The following DYNC2H1 variants were observed in gnomAD, a reference collection of about 807,000 sequenced individuals.
DYNC2H1 encodes cytoplasmic dynein 2 heavy chain 1.
Under a neutral mutation model 570.0 loss-of-function variants are expected in DYNC2H1, and 410 were observed. The ratio of observed to expected loss-of-function variants is 0.72; its 90% CI spans 0.66 to 0.78. The LOEUF (loss-of-function observed/expected upper bound fraction) is 0.78. DYNC2H1 is among the 30% of genes least tolerant of loss of function. The pLI is 0.00. For synonymous variants in DYNC2H1, 1,688 were observed against 1,677.6 expected, an observed-to-expected ratio of 1.01 and a Z score of -0.15; for missense variants, 4,865 against 5,046.4, an observed-to-expected ratio of 0.96 and a Z score of 1.09.
In DYNC2H1 at chr11:103,205,884, C is replaced by T. The variant is rs1213982016; in HGVS notation, c.8454+920C>T. Among the ~76,000 whole-genome samples the T allele has an allele frequency of 6.6e-6, 1 of 152,098 alleles. No individual in the cohort carries two copies. The highest frequency in any genetic ancestry group is 6.6e-5 in the Admixed American group (1 of 15,250). The stretch of plus-strand genomic sequence containing the variant: ...TGATGTCAGAGAACTAAGAGGAAAC[C>T]AGTTAGGATGGGGCTTTGTAAGCTA... On this transcript the variant is annotated intron_variant, in intron 52 of 88. Coordinates refer to ENST00000375735, the MANE Select transcript of DYNC2H1 (RefSeq NM_001377.3). The surrounding 1 kb of genome is among the most constrained non-coding windows in gnomAD (Gnocchi z 4.5).
intron 54 of DYNC2H1, among the ~76,000 whole-genome samples, chr11:103,214,130 A>G (rs115007033): frequency 0.015 from 2,315 of 152,238 alleles, 63 homozygotes; most frequent in African/African-American, 0.051. Context: ...AGTGGACTAT[A>G]AATACATGAA....
rs554178347 is a variant in DYNC2H1, at chr11:103,245,365, G to A, written c.10033G>A (p.Val3345Ile). Reference sequence around the variant, plus strand: ...TTATCCATTATTGAGACGAGATCTGGTTGCTCAAGGTAAATAATTGACACT... The same window carrying A: ...TTATCCATTATTGAGACGAGATCTGATTGCTCAAGGTAAATAATTGACACT... ...VLYPLLRRDL[V>I]AQGPRYVVQI... The change falls in exon 65 of 89, where the codon GTT (valine) becomes ATT (isoleucine). Residue 3345 changes from valine to isoleucine, a missense_variant. By Grantham distance (29) the Val-to-Ile change is conservative. Around this residue, in one of 5 missense-constraint regions of DYNC2H1, gnomAD observed 2,401 missense variants for 2,454.6 expected, o/e 0.98. Transcript: ENST00000375735. This position sits in a 1 kb window ranked among gnomAD's most constrained non-coding sequence, Gnocchi z 4.5. 3.2e-6 allele frequency: 5 copies of A among 1,583,074 alleles called. No individual in the cohort carries two copies. Among genetic ancestry groups the A allele is most frequent in the Middle Eastern group, 1.7e-4 (1 of 6,018 alleles).
chr11:103,266,868 GC>G (rs1468242453), intron 70 of DYNC2H1, among the ~76,000 whole-genome samples: 1 of 152,226 alleles, frequency 6.6e-6, no homozygotes, highest in African/African-American at 2.4e-5. Flanking sequence ...GGTTAAAACA[GC>G]CAGTCTAATG....
Position 103,465,445 on chromosome 11 carries a change from A to C in DYNC2H1, c.12649-3144A>C, listed in dbSNP as rs889813296. On this transcript the variant is annotated intron_variant, in intron 87 of 88. Coordinates refer to ENST00000375735, the MANE Select transcript of DYNC2H1 (RefSeq NM_001377.3). The surrounding 1 kb of genome is among the most constrained non-coding windows in gnomAD (Gnocchi z 4.9). ...TAATGCAATTTCAACCAGTATCCCA[A>C]AGTGTGTTTTGTTTTTTTTTTTAAT... Among the ~76,000 whole-genome samples, 31 of 149,596 alleles carry C rather than the reference A, an allele frequency of 2.1e-4. No homozygotes were observed. Among genetic ancestry groups the C allele is most frequent in the African/African-American group, 7.4e-4 (30 of 40,788 alleles).
intron 83 of DYNC2H1, among the ~76,000 whole-genome samples, chr11:103,382,537 A>G (rs978265133): frequency 1.3e-5 from 2 of 152,220 alleles, no homozygotes; most frequent in East Asian, 1.9e-4. Context: ...TTTATTTCCT[A>G]TTAATCAAGG....
chr11:103,436,123 A>G, intron 85 of DYNC2H1, 91 bp downstream of exon 85: 1 of 1,070,418 alleles, frequency 9.3e-7, no homozygotes, highest in Non-Finnish European at 1.3e-6. Flanking sequence ...AGTGAGAATT[A>G]CACTATGATT....
At chr11:103,387,818 T>C (rs1941954182) in intron 83 of DYNC2H1, among the ~76,000 whole-genome samples, 2 of 152,212 alleles carry the variant, frequency 1.3e-5, no homozygotes, top group Admixed American at 1.3e-4. Context: ...GTTGTAGATA[T>C]GTGGCATTAT....
rs945146948 is a variant in DYNC2H1, at chr11:103,319,782, A to G, written c.11726-1247A>G. Among the ~76,000 whole-genome samples the G allele has an allele frequency of 3.3e-5, 5 of 152,194 alleles. No homozygotes were observed. Among genetic ancestry groups the G allele is most frequent in the African/African-American group, 9.6e-5 (4 of 41,460 alleles). On this transcript the variant is annotated intron_variant, in intron 80 of 88. Transcript: ENST00000375735. The surrounding 1 kb of genome is among the most constrained non-coding windows in gnomAD (Gnocchi z 4.3). Reference sequence around the variant, plus strand: ...GTCTGTATTCCTTAATGACTTATCAATGACTGGCTAACTTATCAGTGACTG... The same window carrying G: ...GTCTGTATTCCTTAATGACTTATCAGTGACTGGCTAACTTATCAGTGACTG...
chr11:103,352,838 T>C (rs1163083792), intron 82 of DYNC2H1, among the ~76,000 whole-genome samples: 1 of 152,146 alleles, frequency 6.6e-6, no homozygotes, highest in Non-Finnish European at 1.5e-5. Flanking sequence ...ATTATAAAGA[T>C]ACATGCATGC....
At chr11:103,358,103 A>G in intron 82 of DYNC2H1, 140 bp from the exon 83 acceptor site, 1 of 514,524 alleles carries the variant, frequency 1.9e-6, no homozygotes, top group South Asian at 3.7e-5. Context: ...TTGAAGAGAG[A>G]TAATAAGATT....
intron 75 of DYNC2H1, among the ~76,000 whole-genome samples, chr11:103,301,128 C>A (rs555548684): frequency 3.3e-4 from 50 of 151,934 alleles, no homozygotes; most frequent in African/African-American, 1.2e-3. Flanking sequence ...ATTGCCAAAT[C>A]TCTTGAATGG....
In DYNC2H1 at chr11:103,155,410, G is replaced by T; in HGVS notation, c.3653G>T (p.Gly1218Val). The change falls in exon 25 of 89, where the codon GGA becomes GTA. Residue 1218 changes from glycine (G) to valine (V), a missense_variant. This residue lies in a region of DYNC2H1 where 1,936 missense variants were observed against 1,962.1 expected (regional missense o/e 0.99). Transcript: ENST00000375735. ...TGGCTTGACCTTTTTCGTCTCCTTG[G>T]ACTTCCTAGGGGGACTAGTCTAGAG... is the stretch of plus-strand genomic sequence containing the variant. ...DHWLDLFRLLGLPRGTSLEKL... is the reference protein window; with the variant it reads ...DHWLDLFRLLVLPRGTSLEKL... 3 of 1,611,680 alleles carry T rather than the reference G, an allele frequency of 1.9e-6. No homozygotes were observed. The highest frequency in any genetic ancestry group is 1.7e-6 in the Non-Finnish European group (2 of 1,178,836).
intron 65 of DYNC2H1, among the ~76,000 whole-genome samples, chr11:103,250,305 A>T (rs947222856): frequency 6.6e-5 from 10 of 151,706 alleles, no homozygotes; most frequent in Non-Finnish European, 1.2e-4. Flanking sequence ...CTTGATAGGG[A>T]TTTATCAATA....
intron 63 of DYNC2H1, among the ~76,000 whole-genome samples, chr11:103,242,852 C>G (rs1284115991): frequency 1.3e-5 from 2 of 151,988 alleles, no homozygotes; most frequent in Admixed American, 6.6e-5. Flanking sequence ...TCCCAAGTAG[C>G]TGGGACTACA....
chr11:103,402,346 T>C (rs1942677984), intron 84 of DYNC2H1: 1 of 152,188 alleles, frequency 6.6e-6, no homozygotes, highest in South Asian at 2.1e-4. Flanking sequence ...GATTATTCCA[T>C]ATTGGAGGCC....
chr11:103,367,845 C>T (rs1176860531), intron 83 of DYNC2H1, among the ~76,000 whole-genome samples: 3 of 152,148 alleles, frequency 2.0e-5, no homozygotes, highest in Non-Finnish European at 4.4e-5. Flanking sequence ...TAAGATTCCA[C>T]ATGAGTAAGA....
intron 85 of DYNC2H1, among the ~76,000 whole-genome samples, chr11:103,448,221 A>G (rs1171798628): frequency 6.6e-6 from 1 of 152,116 alleles, no homozygotes; most frequent in Non-Finnish European, 1.5e-5. Flanking sequence ...AGCTTACTAC[A>G]TTATCTACAG....
chr11:103,286,204 G>A, intron 73 of DYNC2H1, 51 bp from the exon 74 acceptor site: 2 of 1,587,506 alleles, frequency 1.3e-6, no homozygotes, highest in Non-Finnish European at 1.7e-6. Flanking sequence ...ATAAATGTAT[G>A]TGCTTATATT....
At chr11:103,267,294 A>T (rs1194844600) in intron 70 of DYNC2H1, among the ~76,000 whole-genome samples, 1 of 150,452 alleles carries the variant, frequency 6.6e-6, no homozygotes, top group Non-Finnish European at 1.5e-5. Flanking sequence ...TTTCCCTCTG[A>T]AGATCTGTTA....
Sources: allele counts gnomAD v4.1 joint callset (sites outside exome capture counted in the v4.1 genomes callset), GRCh38; gene constraint gnomAD v4.1.1; regional missense constraint gnomAD v4.1.1; non-coding constraint Gnocchi (gnomAD v3.1); transcripts MANE v1.5; gene names NCBI Gene and HGNC (gene_info 2026-07-23, HGNC 2026-07-21).